SNX2: variants seen among roughly 807,000 people sequenced by gnomAD.
SNX2 encodes sorting nexin-2.
In SNX2, 25 loss-of-function variants were observed where a neutral mutation model predicts 69.9. The observed-to-expected ratio is 0.36, with a 90% CI of 0.26 to 0.50. The LOEUF (loss-of-function observed/expected upper bound fraction) is 0.50, where lower values mean the gene tolerates loss of function less well. SNX2 is among the 20% of genes least tolerant of loss of function. SNX2 has a pLI of 0.97. For synonymous variants in SNX2, 229 were observed against 200.4 expected (o/e 1.14, Z -1.20); for missense variants, 551 against 613.3 (o/e 0.90, Z 1.07).
Position 122,806,386 on chromosome 5 carries a change from C to T in SNX2, c.644-1891C>T, listed in dbSNP as rs536526404. Among the ~76,000 whole-genome samples the T allele has an allele frequency of 5.9e-5, 9 of 152,132 alleles. No homozygotes were observed. In the South Asian group the frequency reaches 1.9e-3, roughly 32 times the overall value. On this transcript the variant is annotated intron_variant, in intron 6 of 14. Coordinates refer to ENST00000379516, the MANE Select transcript of SNX2 (RefSeq NM_003100.4). ...TAGCTGGTGGTTTTCAGGTAACTTA[C>T]ACTTATAGCAGGGAGCATGGAAAAA...
chr5:122,827,793 G>T (rs1754186005), intron 14 of SNX2, 147 bp downstream of exon 14: 3 of 622,056 alleles, frequency 4.8e-6, no homozygotes, highest in Non-Finnish European at 5.6e-6. Context: ...AGGATAAAAG[G>T]GTAAACTAAT....
At position 122,827,581 on chromosome 5, in the gene SNX2, C is replaced by A. The variant is rs537342925; in HGVS notation, c.1444C>A (p.Arg482=). The change falls in exon 14 of 15, where the codon CGA becomes AGA. Residue 482 remains arginine (R), a synonymous_variant. Transcript: ENST00000379516. ...TTAAAATGTACTTCAACAGAAAGAA[C>A]GAGTGAAGGATTTTAAAACCGTTAT... is the stretch of plus-strand genomic sequence containing the variant. The part of the protein sequence containing the change: ...RKEVGRFEKE[R]VKDFKTVIIK... 1 of 1,612,410 alleles carries A rather than the reference C, an allele frequency of 6.2e-7. No homozygotes were observed. Among genetic ancestry groups the A allele is most frequent in the Non-Finnish European group, 8.5e-7 (1 of 1,178,760 alleles).
chr5:122,792,941 T>C (rs905393074), intron 1 of SNX2, among the ~76,000 whole-genome samples: 2 of 152,106 alleles, frequency 1.3e-5, no homozygotes, highest in African/African-American at 2.4e-5. Flanking sequence ...CTCTACATGC[T>C]AGAGTAGCGA....
At position 122,830,358 on chromosome 5, in the gene SNX2, T is replaced by A. The variant is rs1170601239; in HGVS notation, c.*710T>A. Among the ~76,000 whole-genome samples, 1 of 151,946 alleles carries A rather than the reference T, an allele frequency of 6.6e-6. No homozygotes were observed. Among genetic ancestry groups the A allele is most frequent in the African/African-American group, 2.4e-5 (1 of 41,464 alleles). On this transcript the variant is annotated 3_prime_UTR_variant, in exon 15 of 15. Transcript: ENST00000379516. ...GAGAATAATTGTCTTTGCTTGTTTT[T>A]AACCATCTCTATTACAAGTGCCCAA...
intron 1 of SNX2, among the ~76,000 whole-genome samples, chr5:122,793,783 G>T (rs556687360): frequency 6.6e-6 from 1 of 151,212 alleles, no homozygotes; most frequent in African/African-American, 2.4e-5. Context: ...CGTGATGGCA[G>T]ACACCTGTAA....
chr5:122,825,172 A>C (rs555465185), intron 11 of SNX2, among the ~76,000 whole-genome samples: 1 of 152,264 alleles, frequency 6.6e-6, no homozygotes, highest in South Asian at 2.1e-4. Context: ...ACTCGGGTTT[A>C]GTGCTTCCTG....
At chr5:122,808,993 C>G (rs10519713) in intron 7 of SNX2, among the ~76,000 whole-genome samples, 4,187 of 152,070 alleles carry the variant, frequency 0.028, 73 homozygotes, top group Middle Eastern at 0.058. Context: ...CTTGAGTTGA[C>G]TATATACAGT....
At chr5:122,806,142 G>GCACACGCACACA (rs1554063176) in intron 6 of SNX2, among the ~76,000 whole-genome samples, 1 of 130,656 alleles carries the variant, frequency 7.7e-6, no homozygotes, top group East Asian at 2.1e-4. Flanking sequence ...ACACGCGCGC[G>GCACACGCACACA]CACACACACA....
At chr5:122,812,935 T>A (rs1753813423) in intron 7 of SNX2, among the ~76,000 whole-genome samples, 1 of 152,224 alleles carries the variant, frequency 6.6e-6, no homozygotes, top group Non-Finnish European at 1.5e-5. Context: ...ATAACCTGCT[T>A]TATTTTGTTT....
chr5:122,823,056 T>G (rs1434565712), intron 11 of SNX2, among the ~76,000 whole-genome samples: 1 of 152,194 alleles, frequency 6.6e-6, no homozygotes, highest in Admixed American at 6.5e-5. Flanking sequence ...AAAAAACTGT[T>G]AGACATCTGC....
chr5:122,832,182 C>T lies in SNX2; in HGVS notation c.*2534C>T, dbSNP rs1022531571. Among the ~76,000 whole-genome samples, 7 of 152,186 alleles carry T rather than the reference C, an allele frequency of 4.6e-5. No homozygotes were observed. The highest frequency in any genetic ancestry group is 1.0e-4 in the Non-Finnish European group (7 of 68,018). The stretch of plus-strand genomic sequence containing the variant: ...AGGCAGCAAAATATTGTGAAACAAG[C>T]TGAACTTGGGATCAGCATACATTTG... On this transcript the variant is annotated 3_prime_UTR_variant, in exon 15 of 15. Transcript: ENST00000379516.
rs58159922 is a variant in SNX2, at chr5:122,831,009, CAAAAAAAAAAAA to C, written c.*1374_*1385del. On this transcript the variant is annotated 3_prime_UTR_variant, in exon 15 of 15. Coordinates refer to ENST00000379516, the MANE Select transcript of SNX2 (RefSeq NM_003100.4). ...AGGCAACAAAAGCAAAACTCCATCT[CAAAAAAAAAAAA>C]AAAAAAAAAAAAGATGACTGGTGTC... is the stretch of plus-strand genomic sequence containing the variant. Among the ~76,000 whole-genome samples the C allele has an allele frequency of 7.9e-5, 5 of 63,006 alleles. No individual in the cohort carries two copies. The highest frequency in any genetic ancestry group is 7.1e-4 in the South Asian group (1 of 1,416). The allele number at this position is 63,006 out of a possible 152,430, so 41.3% of individuals were successfully genotyped here. A position where few individuals can be genotyped will look rare whatever the true frequency, so the allele number is the denominator to read the frequency against.
At chr5:122,802,914 C>T (rs1753548918) in intron 5 of SNX2, among the ~76,000 whole-genome samples, 1 of 152,072 alleles carries the variant, frequency 6.6e-6, no homozygotes, top group South Asian at 2.1e-4. Flanking sequence ...GACTTTGCAG[C>T]TGTGAGAGTG....
chr5:122,786,125 T>C (rs767875163), intron 1 of SNX2, among the ~76,000 whole-genome samples: 23 of 152,232 alleles, frequency 1.5e-4, no homozygotes, highest in African/African-American at 2.2e-4. Context: ...CCCTTTTTAT[T>C]GATGATAATA....
At chr5:122,789,310 A>G (rs1424408628) in intron 1 of SNX2, among the ~76,000 whole-genome samples, 4 of 152,304 alleles carry the variant, frequency 2.6e-5, no homozygotes, top group South Asian at 4.2e-4. Flanking sequence ...TGTGCTGCTC[A>G]GGGTTGACCC....
chr5:122,817,970 A>G (rs1223268700), intron 10 of SNX2, among the ~76,000 whole-genome samples: 3 of 152,164 alleles, frequency 2.0e-5, no homozygotes, highest in Non-Finnish European at 4.4e-5. Context: ...GAATCCAACA[A>G]TGTAAATATC....
Position 122,803,560 on chromosome 5 carries a change from A to G in SNX2, c.590A>G (p.Lys197Arg), listed in dbSNP as rs1018972486. 6.2e-7 allele frequency: 1 copy of G among 1,612,300 alleles called. No individual in the cohort carries two copies. The highest frequency in any genetic ancestry group is 1.7e-4 in the Middle Eastern group (1 of 5,880). ...FLGLHSKLAS[K>R]YLHVGYIVPP... ...GGTTTGCACAGCAAATTAGCAAGCA[A>G]ATATTTACATGTTGGTTATATTGTG... Residue 197 changes from lysine (K) to arginine (R), a missense_variant, in exon 6 of 15, where the codon AAA becomes AGA. By Grantham distance (26) the Lys-to-Arg change is conservative. Around this residue, in one of 2 missense-constraint regions of SNX2, gnomAD observed 360 missense variants for 450.4 expected, o/e 0.80. Transcript: ENST00000379516.
At chr5:122,789,139 TG>T (rs1753154375) in intron 1 of SNX2, among the ~76,000 whole-genome samples, 1 of 152,204 alleles carries the variant, frequency 6.6e-6, no homozygotes, top group Admixed American at 6.5e-5. Context: ...TTGCCTTCTG[TG>T]GGCAGTGGTT....
chr5:122,817,217 G>A, intron 9 of SNX2, 63 bp from the exon 10 acceptor site: 1 of 1,474,722 alleles, frequency 6.8e-7, no homozygotes, highest in Non-Finnish European at 9.5e-7. Context: ...GCTTGCTATT[G>A]GTAACCTAAT....
Sources: gnomAD v4.1 joint callset for allele counts (sites outside exome capture counted in the v4.1 genomes callset) on GRCh38, gnomAD v4.1.1 for gene constraint, gnomAD v4.1.1 regional missense constraint, MANE v1.5 for transcripts, NCBI Gene and HGNC (gene_info 2026-07-23, HGNC 2026-07-21) for gene names.